The following NLGN1 variants were observed in gnomAD, a reference collection of about 807,000 sequenced individuals.
The protein encoded by NLGN1 is neuroligin 1, also known as neuroligin-1.
NLGN1 carries 12 observed loss-of-function variants against 65.5 expected under a neutral mutation model. The observed-to-expected ratio is 0.18, with a 90% CI of 0.12 to 0.30. NLGN1 has a LOEUF of 0.30. Ranked by LOEUF, NLGN1 falls within the 10% of genes least tolerant of loss-of-function variation. The probability of loss-of-function intolerance (pLI) is 1.00; values close to 1 mark genes in which losing one functional copy is unlikely to be tolerated. For synonymous variants in NLGN1, 350 were observed against 359.5 expected (o/e 0.97, Z 0.30); for missense variants, 750 against 1,007.1 (o/e 0.74, Z 3.46).
chr3:173,651,867 A>C (rs1446985369), intron 3 of NLGN1, among the ~76,000 whole-genome samples: 1 of 152,036 alleles, frequency 6.6e-6, no homozygotes, highest in Non-Finnish European at 1.5e-5. Context: ...GTCTTGGCTC[A>C]CTGCAACCTC....
At chr3:174,217,113 C>T (rs544440645) in intron 4 of NLGN1, among the ~76,000 whole-genome samples, 14 of 152,148 alleles carry the variant, frequency 9.2e-5, no homozygotes, top group Non-Finnish European at 1.6e-4. Context: ...GATCTTTCTT[C>T]CGTTTTCCGG....
At chr3:174,271,619 A>G (rs928260482) in intron 4 of NLGN1, among the ~76,000 whole-genome samples, 5 of 151,762 alleles carry the variant, frequency 3.3e-5, no homozygotes, top group African/African-American at 1.2e-4. Context: ...GTTTCTCTCT[A>G]GCACTTGAGA....
At chr3:173,866,010 G>A (rs1034105348) in intron 4 of NLGN1, among the ~76,000 whole-genome samples, 4 of 152,192 alleles carry the variant, frequency 2.6e-5, no homozygotes, top group Non-Finnish European at 5.9e-5. Context: ...ACTCTACCTC[G>A]GCAGGGTTAG....
chr3:173,838,957 G>A (rs1578718468), intron 4 of NLGN1, among the ~76,000 whole-genome samples: 1 of 152,256 alleles, frequency 6.6e-6, no homozygotes, highest in Admixed American at 6.5e-5. Context: ...AGTTCAAGAT[G>A]CTGGAATGTA....
At chr3:173,873,797 G>T (rs887274829) in intron 4 of NLGN1, among the ~76,000 whole-genome samples, 10 of 152,126 alleles carry the variant, frequency 6.6e-5, no homozygotes, top group African/African-American at 2.2e-4. Flanking sequence ...ATGGTTATGG[G>T]CTGAACTGTT....
chr3:173,482,376 A>AT (rs1010217246), intron 2 of NLGN1, among the ~76,000 whole-genome samples: 5 of 151,674 alleles, frequency 3.3e-5, no homozygotes, highest in African/African-American at 9.7e-5. Context: ...TAACACATTA[A>AT]TTTTTTTCCA....
intron 3 of NLGN1, among the ~76,000 whole-genome samples, chr3:173,650,274 C>T (rs1004044723): frequency 1.3e-5 from 2 of 152,078 alleles, no homozygotes; most frequent in Non-Finnish European, 2.9e-5. Flanking sequence ...TGACAGTTTT[C>T]ACTATTTTGC....
At chr3:173,671,694 A>G (rs1225821966) in intron 3 of NLGN1, among the ~76,000 whole-genome samples, 1 of 152,162 alleles carries the variant, frequency 6.6e-6, no homozygotes, top group African/African-American at 2.4e-5. Context: ...AGGAAATCAC[A>G]TTTGACAGGT....
At chr3:173,433,618 ATT>A (rs1337443518) in intron 1 of NLGN1, among the ~76,000 whole-genome samples, 1 of 151,764 alleles carries the variant, frequency 6.6e-6, no homozygotes, top group Non-Finnish European at 1.5e-5. Flanking sequence ...GTGCATATTT[ATT>A]TTCTTTTTTC....
At chr3:173,566,780 T>G (rs1303282672) in intron 2 of NLGN1, among the ~76,000 whole-genome samples, 1 of 152,204 alleles carries the variant, frequency 6.6e-6, no homozygotes, top group Non-Finnish European at 1.5e-5. Context: ...CCCTGTATAT[T>G]GGACACTTCT....
Position 173,590,044 on chromosome 3 carries a change from C to T in NLGN1, c.-320-14235C>T, listed in dbSNP as rs1420049018. Among the ~76,000 whole-genome samples, 3 of 152,058 alleles carry T rather than the reference C, an allele frequency of 2.0e-5. No individual in the cohort carries two copies. In the East Asian group the frequency reaches 5.8e-4, roughly 29 times the overall value. On this transcript the variant is annotated intron_variant, in intron 2 of 6. Transcript: ENST00000457714. ...AAGTTTTTTTCCATGTGACAACCAC[C>T]ACTTCTATGACAGAACTGACCAGAA...
At chr3:173,819,066 G>A (rs1719639683) in intron 4 of NLGN1, among the ~76,000 whole-genome samples, 1 of 151,574 alleles carries the variant, frequency 6.6e-6, no homozygotes, top group South Asian at 2.1e-4. Flanking sequence ...CCTTTAGAAA[G>A]GGATTTCTAA....
chr3:173,695,461 T>A (rs538357114), intron 3 of NLGN1: 1 of 215,460 alleles, frequency 4.6e-6, no homozygotes, highest in East Asian at 1.2e-4. Context: ...ATACTTAGGA[T>A]TTTTTTTTCA....
chr3:173,411,170 C>A (rs1712460110), intron 1 of NLGN1, among the ~76,000 whole-genome samples: 1 of 152,204 alleles, frequency 6.6e-6, no homozygotes, highest in South Asian at 2.1e-4. Flanking sequence ...AGGGCAAGAT[C>A]AGCATGAGAG....
At chr3:174,281,773 G>A (rs1489843969) in exon 7 of NLGN1, 1 of 154,130 alleles carries the variant, frequency 6.5e-6, no homozygotes, top group Non-Finnish European at 1.4e-5. Context: ...AAGCGTCAAT[G>A]CTGTTAATGG....
At chr3:174,174,037 T>C (rs1729008338) in intron 4 of NLGN1, among the ~76,000 whole-genome samples, 1 of 152,082 alleles carries the variant, frequency 6.6e-6, no homozygotes, top group South Asian at 2.1e-4. Flanking sequence ...CTTTGCATCC[T>C]CATAACTTAG....
intron 3 of NLGN1, among the ~76,000 whole-genome samples, chr3:173,609,743 G>C (rs1191473870): frequency 6.6e-6 from 1 of 151,876 alleles, no homozygotes; most frequent in Non-Finnish European, 1.5e-5. Context: ...TTACAACCTA[G>C]TGGTAGAGAC....
intron 3 of NLGN1, among the ~76,000 whole-genome samples, chr3:173,780,078 A>G (rs1196555034): frequency 6.6e-6 from 1 of 152,194 alleles, no homozygotes; most frequent in Non-Finnish European, 1.5e-5. Flanking sequence ...TACATTTTCT[A>G]GATGGCTGCC....
intron 4 of NLGN1, among the ~76,000 whole-genome samples, chr3:174,186,766 C>G (rs544014437): frequency 1.3e-5 from 2 of 151,978 alleles, no homozygotes; most frequent in Non-Finnish European, 2.9e-5. Flanking sequence ...ACTTACTATG[C>G]AAAACTGTGT....
Sources: gnomAD v4.1 joint callset for allele counts (sites outside exome capture counted in the v4.1 genomes callset) on GRCh38, gnomAD v4.1.1 for gene constraint, MANE v1.5 for transcripts, NCBI Gene and HGNC (gene_info 2026-07-23, HGNC 2026-07-21) for gene names.